Variants in SLC25A28 observed in about 807,000 individuals in gnomAD.
SLC25A28 encodes mitoferrin-2.
In SLC25A28, 10 loss-of-function variants were observed where a neutral mutation model predicts 31.9. The ratio of observed to expected loss-of-function variants is 0.31; its 90% CI spans 0.19 to 0.53. The LOEUF is 0.53. SLC25A28 is among the 20% of genes least tolerant of loss of function. SLC25A28 has a pLI of 0.95. For synonymous variants in SLC25A28, 208 were observed against 203.6 expected (o/e 1.02, Z -0.19); for missense variants, 256 against 490.3 (o/e 0.52, Z 4.51).
At chr10:99,641,250 T>G in the SLC25A28 span, among the ~76,000 whole-genome samples, 1 of 152,244 alleles carries the variant, frequency 6.6e-6, no homozygotes, top group Non-Finnish European at 1.5e-5. Context: ...TTTTTAATGA[T>G]CACCATTCTA....
chr10:99,612,344 AG>A (rs1049007234), intron 3 of SLC25A28, among the ~76,000 whole-genome samples, 198 bp downstream of exon 3: 4 of 152,200 alleles, frequency 2.6e-5, no homozygotes, highest in African/African-American at 9.7e-5. Context: ...GGGAAGCCCC[AG>A]GGATTAGTAA....
chr10:99,631,312 A>C, the SLC25A28 span, among the ~76,000 whole-genome samples: 1 of 152,204 alleles, frequency 6.6e-6, no homozygotes. Flanking sequence ...CTGGGCTATT[A>C]TTCATATTTT....
At chr10:99,651,434 T>C in the SLC25A28 span, among the ~76,000 whole-genome samples, 6 of 152,174 alleles carry the variant, frequency 3.9e-5, no homozygotes, top group Non-Finnish European at 8.8e-5. Flanking sequence ...ATTATTTAAT[T>C]TTGAGAATTC....
chr10:99,618,573 T>G, intron 1 of SLC25A28: 1 of 985,366 alleles, frequency 1.0e-6, no homozygotes, highest in Non-Finnish European at 1.2e-6. Context: ...TGTTTTACAT[T>G]TCAATGTTGT....
At chr10:99,624,338 CT>C (rs2034846309), upstream of SLC25A28, among the ~76,000 whole-genome samples, 2 of 151,712 alleles carry the variant, frequency 1.3e-5, no homozygotes, top group South Asian at 4.2e-4. Context: ...TCAAGCAATC[CT>C]CTTGTCTCAG....
At chr10:99,621,712 T>G (rs1003580523), upstream of SLC25A28, 1 of 152,330 alleles carries the variant, frequency 6.6e-6, no homozygotes, top group East Asian at 1.9e-4. Flanking sequence ...TCTTCTCTGT[T>G]TTACCCAGAT....
Position 99,620,187 on chromosome 10 carries a change from C to A in SLC25A28, c.149G>T (p.Arg50Met). The stretch of plus-strand genomic sequence containing the variant: ...GTCCGGATCTTGTCGTACCGGGGGC[C>A]TGCAGGCCCCGGCCTCCCCGCCGCC... Reference protein sequence around the residue: ...GAGGGEAGACRPPVRQDPDSG... With the variant: ...GAGGGEAGACMPPVRQDPDSG... The change falls in exon 1 of 4, where the codon AGG becomes ATG. Residue 50 changes from arginine (R) to methionine (M), a missense_variant. Arg to Met is a moderately conservative substitution (Grantham distance 91). Transcript: ENST00000370495. 6.7e-7 allele frequency: 1 copy of A among 1,490,496 alleles called. No individual in the cohort carries two copies. Among genetic ancestry groups the A allele is most frequent in the Non-Finnish European group, 8.9e-7 (1 of 1,124,070 alleles). 92.3% of individuals were successfully genotyped at this position (1,490,496 alleles called of 1,614,324 possible).
intron 1 of SLC25A28, chr10:99,617,472 T>A (rs2034685340): frequency 1.0e-6 from 1 of 983,260 alleles, no homozygotes; most frequent in South Asian, 4.7e-5. Flanking sequence ...CATGGATATC[T>A]GCCTCCAGTC....
rs1257168316 is a variant in SLC25A28 at position 99,620,380 on chromosome 10, C to T, written c.-45G>A. On this transcript the variant is annotated 5_prime_UTR_variant, in exon 1 of 4. Transcript: ENST00000370495. ...CGCCCACCCCCGCCGCCGCTGCCAC[C>T]ACTGCCGCCGCCGCCCCCCGGCCCC... 5 of 1,089,870 alleles carry T rather than the reference C, an allele frequency of 4.6e-6. No individual in the cohort carries two copies. The East Asian group carries it at 2.4e-4, about 52-fold the overall frequency. The allele number at this position is 1,089,870 out of a possible 1,614,324, so 67.5% of individuals were successfully genotyped here.
chr10:99,655,050 T>C, the SLC25A28 span, among the ~76,000 whole-genome samples: 2 of 152,264 alleles, frequency 1.3e-5, no homozygotes, highest in African/African-American at 4.8e-5. Flanking sequence ...CAAAGAATCA[T>C]GCTTGACAAA....
At chr10:99,646,774 A>G in the SLC25A28 span, among the ~76,000 whole-genome samples, 3 of 152,198 alleles carry the variant, frequency 2.0e-5, no homozygotes, top group African/African-American at 7.2e-5. Context: ...CATCACCCAA[A>G]TAGTGAATAT....
chr10:99,619,961 C>T, intron 1 of SLC25A28, 84 bp downstream of exon 1: 2 of 1,377,020 alleles, frequency 1.5e-6, no homozygotes, highest in South Asian at 2.9e-5. Context: ...TCGGCTCCGG[C>T]TCTCAGCCGG....
At chr10:99,626,825 T>C in the SLC25A28 span, among the ~76,000 whole-genome samples, 1 of 151,554 alleles carries the variant, frequency 6.6e-6, no homozygotes. Context: ...TTGAGGAAAA[T>C]ATAAGTAGAG....
At chr10:99,627,970 G>A in the SLC25A28 span, among the ~76,000 whole-genome samples, 2 of 152,134 alleles carry the variant, frequency 1.3e-5, no homozygotes, top group Non-Finnish European at 2.9e-5. Flanking sequence ...CCACAAATAA[G>A]TGAGAACAGA....
chr10:99,644,754 T>G, the SLC25A28 span, among the ~76,000 whole-genome samples: 4 of 152,176 alleles, frequency 2.6e-5, no homozygotes, highest in Non-Finnish European at 4.4e-5. Flanking sequence ...GGCCTGGTGG[T>G]GACAAAATCT....
At chr10:99,651,594 C>CTTTTTTTTTTTTTTTTT in the SLC25A28 span, among the ~76,000 whole-genome samples, 145 of 110,186 alleles carry the variant, frequency 1.3e-3, 6 homozygotes, top group Non-Finnish European at 1.7e-3. Context: ...TTTTTCTTTT[C>CTTTTTTTTTTTTTTTTT]TTTTTTTTTT....
the SLC25A28 span, chr10:99,652,062 T>A: frequency 6.6e-6 from 1 of 152,236 alleles, no homozygotes; most frequent in Non-Finnish European, 1.5e-5. Flanking sequence ...TATTTCAAGT[T>A]AGTTTTTATA....
chr10:99,642,691 T>C, the SLC25A28 span, among the ~76,000 whole-genome samples: 1 of 152,324 alleles, frequency 6.6e-6, no homozygotes, highest in South Asian at 2.1e-4. Flanking sequence ...AGTATGATAT[T>C]GGCTGTGGGT....
chr10:99,645,718 G>C, the SLC25A28 span, among the ~76,000 whole-genome samples: 2 of 152,122 alleles, frequency 1.3e-5, no homozygotes, highest in African/African-American at 4.8e-5. Context: ...TTTGATGATG[G>C]TGACGTACAG....
Sources: gnomAD v4.1 joint callset for allele counts (sites outside exome capture counted in the v4.1 genomes callset) on GRCh38, gnomAD v4.1.1 for gene constraint, MANE v1.5 for transcripts, NCBI Gene and HGNC (gene_info 2026-07-23, HGNC 2026-07-21) for gene names.